Variants in PPP3CA observed in about 807,000 individuals in gnomAD.
The protein encoded by PPP3CA is CAM-PRP catalytic subunit.
A neutral mutation model predicts 66.5 loss-of-function variants in PPP3CA; 14 were observed. The observed-to-expected ratio is 0.21, with a 90% CI of 0.14 to 0.33. The LOEUF (loss-of-function observed/expected upper bound fraction) is 0.33, where lower values mean the gene tolerates loss of function less well. Ranked by LOEUF, PPP3CA falls within the 10% of genes least tolerant of loss-of-function variation. The pLI is 1.00. For synonymous variants in PPP3CA, 232 were observed against 226.2 expected, an observed-to-expected ratio of 1.03 and a Z score of -0.23; for missense variants, 317 against 639.5, an observed-to-expected ratio of 0.50 and a Z score of 5.44.
intron 2 of PPP3CA, among the ~76,000 whole-genome samples, chr4:101,151,694 T>C (rs1428975022): frequency 7.2e-6 from 1 of 138,384 alleles, no homozygotes; most frequent in Admixed American, 7.2e-5. Context: ...TGTTGCTCTG[T>C]TGCCCAGGCT....
chr4:101,311,351 C>G (rs1303702345), intron 1 of PPP3CA, among the ~76,000 whole-genome samples: 1 of 152,114 alleles, frequency 6.6e-6, no homozygotes, highest in African/African-American at 2.4e-5. Context: ...ATAGTATTAT[C>G]CCTATTTATC....
chr4:101,253,493 T>C (rs757433787), intron 1 of PPP3CA, among the ~76,000 whole-genome samples: 9 of 152,130 alleles, frequency 5.9e-5, no homozygotes, highest in Non-Finnish European at 1.2e-4. Context: ...TACATTCTAT[T>C]TGTGATACAT....
At chr4:101,332,084 G>C (rs1729405475) in intron 1 of PPP3CA, among the ~76,000 whole-genome samples, 1 of 152,214 alleles carries the variant, frequency 6.6e-6, no homozygotes, top group African/African-American at 2.4e-5. Context: ...CTTGAACTGA[G>C]AGGTATGTTT....
At chr4:101,288,919 T>G (rs985595506) in intron 1 of PPP3CA, among the ~76,000 whole-genome samples, 1 of 152,118 alleles carries the variant, frequency 6.6e-6, no homozygotes, top group Non-Finnish European at 1.5e-5. Context: ...TTCCCCTTTT[T>G]GATTCGAAAC....
intron 1 of PPP3CA, among the ~76,000 whole-genome samples, chr4:101,271,121 T>A (rs1415124717): frequency 6.6e-6 from 1 of 152,070 alleles, no homozygotes; most frequent in Non-Finnish European, 1.5e-5. Context: ...GTTCTCCAAA[T>A]AACAGCACTC....
rs117700877 is a variant in PPP3CA at position 101,154,135 on chromosome 4, C to T, written c.259+41781G>A. Among the ~76,000 whole-genome samples, 394 of 152,200 alleles carry T rather than the reference C, an allele frequency of 2.6e-3. 6 individuals carry two copies. In the East Asian group the frequency reaches 0.056, roughly 22 times the overall value. ...ATCCTTATGAACACTGCTTGCCTGC[C>T]TTCTTGTTTTCAAGAAGAAAATAGT... is the stretch of plus-strand genomic sequence containing the variant. On this transcript the variant is annotated intron_variant, in intron 2 of 13. Transcript: ENST00000394854.
intron 1 of PPP3CA, among the ~76,000 whole-genome samples, chr4:101,204,635 CAAAAA>C (rs55925064): frequency 3.5e-3 from 376 of 107,800 alleles, no homozygotes; most frequent in Non-Finnish European, 4.5e-3. Flanking sequence ...GACTCCATCT[CAAAAA>C]AAAAAAAAAA....
In PPP3CA at chr4:101,347,075, T is replaced by C. The variant is rs1364618225; in HGVS notation, c.-279A>G. 4 of 548,824 alleles carry C rather than the reference T, an allele frequency of 7.3e-6. No homozygotes were observed. The East Asian group carries it at 1.3e-4, about 18-fold the overall frequency. 34.0% of individuals were successfully genotyped at this position (548,824 alleles called of 1,614,324 possible). ...GTGTGGTGGTTATTTATTTATTTTCTGAGCACGCCTCCCGGTTCTTCTTTT... is the reference window on the plus strand; with the variant it reads ...GTGTGGTGGTTATTTATTTATTTTCCGAGCACGCCTCCCGGTTCTTCTTTT... On this transcript the variant is annotated 5_prime_UTR_variant, in exon 1 of 14. Transcript: ENST00000394854.
chr4:101,284,173 C>G (rs1727766186), intron 1 of PPP3CA, among the ~76,000 whole-genome samples: 1 of 152,026 alleles, frequency 6.6e-6, no homozygotes, highest in Admixed American at 6.6e-5. Flanking sequence ...TTTTATGTGT[C>G]TTTGGTTATT....
rs562577132 is a variant in PPP3CA, at chr4:101,042,808, T to TC, written c.1157-2243_1157-2242insG. Among the ~76,000 whole-genome samples, 148 of 133,208 alleles carry TC rather than the reference T, an allele frequency of 1.1e-3. 5 individuals are homozygous for TC. The South Asian group carries it at 0.03, about 27-fold the overall frequency. 87.4% of individuals were successfully genotyped at this position (133,208 alleles called of 152,430 possible). On this transcript the variant is annotated intron_variant, in intron 10 of 13. Transcript: ENST00000394854. ...AGACCATGAAAAGACTTTTTCTTTT[T>TC]TTTTTTTTTTTTTTAAAGTGGGATG...
At chr4:101,050,411 A>C (rs1023805114) in intron 10 of PPP3CA, among the ~76,000 whole-genome samples, 7 of 152,166 alleles carry the variant, frequency 4.6e-5, no homozygotes, top group African/African-American at 1.7e-4. Flanking sequence ...ACTTGTGCCT[A>C]GAATAAAAGA....
intron 1 of PPP3CA, among the ~76,000 whole-genome samples, 166 bp from the exon 2 acceptor site, chr4:101,196,282 C>T (rs557297544): frequency 6.6e-6 from 1 of 152,284 alleles, no homozygotes; most frequent in South Asian, 2.1e-4. Flanking sequence ...TTAAGAACTG[C>T]ATCCTTCCTT....
intron 1 of PPP3CA, among the ~76,000 whole-genome samples, chr4:101,246,720 T>G (rs1476012834): frequency 6.6e-6 from 1 of 152,210 alleles, no homozygotes; most frequent in Non-Finnish European, 1.5e-5. Context: ...TATATATATC[T>G]GTGTCTGTGT....
At chr4:101,099,750 T>G (rs776861248) in intron 3 of PPP3CA, 28 bp from the exon 4 acceptor site, 1 of 1,238,802 alleles carries the variant, frequency 8.1e-7, no homozygotes, top group Non-Finnish European at 1.1e-6. Context: ...AATATAAAAA[T>G]AAATATTTTT....
intron 11 of PPP3CA, among the ~76,000 whole-genome samples, chr4:101,039,446 T>C (rs1241363911): frequency 2.1e-5 from 3 of 144,908 alleles, no homozygotes; most frequent in Non-Finnish European, 4.6e-5. Flanking sequence ...CGTACAGCAA[T>C]AGAGCAAAGG....
At chr4:101,195,292 G>A (rs1413053579) in intron 2 of PPP3CA, among the ~76,000 whole-genome samples, 1 of 148,850 alleles carries the variant, frequency 6.7e-6, no homozygotes, top group Non-Finnish European at 1.5e-5. Context: ...AAGATATTTT[G>A]TAGGGACAAA....
intron 1 of PPP3CA, among the ~76,000 whole-genome samples, chr4:101,287,865 G>A (rs1727894509): frequency 6.6e-6 from 1 of 151,606 alleles, no homozygotes; most frequent in Admixed American, 6.6e-5. Context: ...ATCAAAGGCT[G>A]GTAACTTAAG....
At chr4:101,115,125 A>C (rs972132086) in intron 2 of PPP3CA, among the ~76,000 whole-genome samples, 39 of 152,068 alleles carry the variant, frequency 2.6e-4, no homozygotes, top group African/African-American at 7.5e-4. Flanking sequence ...GAGAAAAATA[A>C]GAACCAAGGG....
chr4:101,107,297 C>T (rs1730796129), intron 3 of PPP3CA, among the ~76,000 whole-genome samples: 1 of 152,174 alleles, frequency 6.6e-6, no homozygotes, highest in African/African-American at 2.4e-5. Flanking sequence ...AATTACTGAC[C>T]TCTGGATAAT....
Sources: gnomAD v4.1 joint callset for allele counts (sites outside exome capture counted in the v4.1 genomes callset) on GRCh38, gnomAD v4.1.1 for gene constraint, MANE v1.5 for transcripts, NCBI Gene and HGNC (gene_info 2026-07-23, HGNC 2026-07-21) for gene names.